DHRSX: variants seen among roughly 807,000 people sequenced by gnomAD.
DHRSX encodes the protein polyprenol dehydrogenase.
DHRSX carries 31 observed loss-of-function variants against 34.0 expected under a neutral mutation model. The ratio of observed to expected loss-of-function variants is 0.91; its 90% confidence interval spans 0.69 to 1.23. DHRSX has a LOEUF of 1.23. DHRSX is among the 50% of genes most tolerant of loss of function. The probability of loss-of-function intolerance (pLI) is 0.00; values close to 1 mark genes in which losing one functional copy is unlikely to be tolerated. For missense variants in DHRSX, 414 were observed against 428.1 expected (o/e 0.97, Z 0.29); for synonymous variants, 201 against 183.8 (o/e 1.09, Z -0.76).
chrX:2,378,534 T>TCA (rs2043167982), intron 3 of DHRSX, among the ~76,000 whole-genome samples: 1 of 152,216 alleles, frequency 6.6e-6, no homozygotes, highest in Non-Finnish European at 1.5e-5. Context: ...AGATATTTTC[T>TCA]CATCCTTACG....
chrX:2,433,063 G>A (rs1347987463), intron 1 of DHRSX, among the ~76,000 whole-genome samples: 1 of 152,044 alleles, frequency 6.6e-6, no homozygotes. Flanking sequence ...GATGGAGGTT[G>A]CAGTGAGCCA....
chrX:2,500,071 A>G (rs2045377882), intron 1 of DHRSX, among the ~76,000 whole-genome samples: 1 of 152,250 alleles, frequency 6.6e-6, no homozygotes, highest in Non-Finnish European at 1.5e-5. Flanking sequence ...ATCTAGGAAC[A>G]GAAGTTATCT....
chrX:2,385,126 G>A (rs185100188), intron 3 of DHRSX, among the ~76,000 whole-genome samples: 1 of 127,884 alleles, frequency 7.8e-6, no homozygotes, highest in Non-Finnish European at 1.7e-5. Context: ...GTGTGTGTGT[G>A]TGTGTGTGTG....
At chrX:2,309,416 T>C (rs1020998027) in intron 3 of DHRSX, among the ~76,000 whole-genome samples, 11 of 151,768 alleles carry the variant, frequency 7.2e-5, no homozygotes, top group Non-Finnish European at 1.3e-4. Flanking sequence ...AAGAAAAAAA[T>C]CATAAAAATG....
At chrX:2,235,938 C>G (rs2016004626) in intron 6 of DHRSX, among the ~76,000 whole-genome samples, 2 of 149,646 alleles carry the variant, frequency 1.3e-5, no homozygotes, top group South Asian at 4.2e-4. Flanking sequence ...ATGGTGAAAC[C>G]CCATCTCTAT....
intron 6 of DHRSX, among the ~76,000 whole-genome samples, chrX:2,241,509 G>A (rs1225662904): frequency 2.0e-5 from 3 of 151,994 alleles, no homozygotes; most frequent in Admixed American, 1.3e-4. Context: ...AACCCACATC[G>A]CGGAGGAAAG....
chrX:2,470,897 G>A (rs1418447782), intron 1 of DHRSX, among the ~76,000 whole-genome samples: 2 of 151,454 alleles, frequency 1.3e-5, no homozygotes, highest in Non-Finnish European at 3.0e-5. Flanking sequence ...TTAGAATTAT[G>A]TGAATATGTA....
chrX:2,459,114 G>A (rs2044356625), intron 1 of DHRSX, among the ~76,000 whole-genome samples: 1 of 151,996 alleles, frequency 6.6e-6, no homozygotes, highest in South Asian at 2.1e-4. Flanking sequence ...CTCCAGCCTG[G>A]GTGATAGAGG....
At chrX:2,326,293 C>CGGGCAGATCACCTGAGGT in intron 3 of DHRSX, among the ~76,000 whole-genome samples, 1 of 152,224 alleles carries the variant, frequency 6.6e-6, no homozygotes, top group South Asian at 2.1e-4. Context: ...GAGGCCAAGG[C>CGGGCAGATCACCTGAGGT]GGGCAGATCA....
In DHRSX at chrX:2,396,380, T is replaced by C. The variant is rs1261167285; in HGVS notation, c.286+12365A>G. On this transcript the variant is annotated intron_variant, in intron 3 of 6. Transcript: ENST00000334651. ...TTGATGCTTTCTTTCTTTTTCTTTT[T>C]TTTTTTTTTTTTTTTGAGACAGAAT... Among the ~76,000 whole-genome samples the C allele has an allele frequency of 2.9e-4, 40 of 139,432 alleles. 1 individual carries two copies. The highest frequency in any genetic ancestry group is 7.2e-4 in the South Asian group (3 of 4,162). 91.5% of individuals were successfully genotyped at this position (139,432 alleles called of 152,430 possible). A position where few individuals can be genotyped will look rare whatever the true frequency, so the allele number is the denominator to read the frequency against.
chrX:2,289,596 CTAA>C (rs1408016940), intron 4 of DHRSX, among the ~76,000 whole-genome samples: 1 of 152,188 alleles, frequency 6.6e-6, no homozygotes, highest in Non-Finnish European at 1.5e-5. Context: ...GCTCCCATTA[CTAA>C]TGAGTAAGGG....
Position 2,348,590 on chromosome X carries a change from G to T in DHRSX, c.287-56987C>A, listed in dbSNP as rs1243136116. Reference sequence around the variant, plus strand: ...CAACCATACAGGAAGAAGCAAAAATGAAACTGGAAAGTCAGAATGAAAAAC... The same window carrying T: ...CAACCATACAGGAAGAAGCAAAAATTAAACTGGAAAGTCAGAATGAAAAAC... On this transcript the variant is annotated intron_variant, in intron 3 of 6. Transcript: ENST00000334651. 1.5e-4 allele frequency among the ~76,000 whole-genome samples: 23 copies of T among 152,268 alleles called. No individual in the cohort carries two copies. In the East Asian group the frequency reaches 4.4e-3, roughly 29 times the overall value.
At chrX:2,443,235 G>A (rs191374423) in intron 1 of DHRSX, among the ~76,000 whole-genome samples, 27 of 151,862 alleles carry the variant, frequency 1.8e-4, no homozygotes, top group South Asian at 4.2e-4. Flanking sequence ...GTCTCACTGC[G>A]TTGCCCATGC....
rs774160562 is a variant in DHRSX, at chrX:2,221,214, C to T, written c.820G>A (p.Ala274Thr). The change falls in exon 7 of 7, where the codon GCG becomes ACG. Residue 274 changes from alanine (A) to threonine (T), a missense_variant. Transcript: ENST00000334651. ...WLLFKTPDEG[A>T]WTSIYAAVTP... is the part of the protein sequence containing the mutation. ...ACTGCTGCGTAGATGGAAGTCCACGCTCCTTCATCGGGGGTCTGGTGGAAG... is the reference window on the plus strand; with the variant it reads ...ACTGCTGCGTAGATGGAAGTCCACGTTCCTTCATCGGGGGTCTGGTGGAAG... 1.6e-5 allele frequency: 26 copies of T among 1,613,532 alleles called. No homozygotes were observed. Among genetic ancestry groups the T allele is most frequent in the East Asian group, 2.2e-5 (1 of 44,886 alleles).
At chrX:2,310,343 C>A (rs1230053925) in intron 3 of DHRSX, among the ~76,000 whole-genome samples, 1 of 152,072 alleles carries the variant, frequency 6.6e-6, no homozygotes, top group Non-Finnish European at 1.5e-5. Context: ...TTGGTTGTCA[C>A]CCCCTGCGTC....
chrX:2,249,771 G>A (rs1248221028), intron 5 of DHRSX, among the ~76,000 whole-genome samples: 9 of 150,936 alleles, frequency 6.0e-5, no homozygotes, highest in Admixed American at 6.6e-5. Flanking sequence ...TGAACCGCCC[G>A]CCTTGGCCTC....
intron 5 of DHRSX, among the ~76,000 whole-genome samples, chrX:2,257,147 G>A (rs1032264234): frequency 6.6e-6 from 1 of 152,134 alleles, no homozygotes; most frequent in Non-Finnish European, 1.5e-5. Flanking sequence ...GTAGAGATGG[G>A]GTTTCTCCAT....
chrX:2,259,668 G>A (rs1035607825), intron 5 of DHRSX, among the ~76,000 whole-genome samples: 1 of 152,044 alleles, frequency 6.6e-6, no homozygotes, highest in Non-Finnish European at 1.5e-5. Context: ...GAGTGGACAG[G>A]GTCGTGCTCT....
At chrX:2,318,796 CTT>C (rs2042271574) in intron 3 of DHRSX, among the ~76,000 whole-genome samples, 1 of 152,082 alleles carries the variant, frequency 6.6e-6, no homozygotes, top group Non-Finnish European at 1.5e-5. Context: ...AGTGGCCACT[CTT>C]TATTCCTTTA....
Sources: gnomAD v4.1 joint callset for allele counts (sites outside exome capture counted in the v4.1 genomes callset) on GRCh38, gnomAD v4.1.1 for gene constraint, MANE v1.5 for transcripts, NCBI Gene and HGNC (gene_info 2026-07-23, HGNC 2026-07-21) for gene names.